BLTP2: variants seen among roughly 807,000 people sequenced by gnomAD.
BLTP2 encodes the protein bridge-like lipid transfer protein family member 2.
the BLTP2 span, among the ~76,000 whole-genome samples, chr17:28,637,452 A>C: frequency 6.6e-6 from 1 of 152,212 alleles, no homozygotes; most frequent in African/African-American, 2.4e-5. Context: ...ATCTCTCTTG[A>C]CTAGATCAAG....
the BLTP2 span, among the ~76,000 whole-genome samples, chr17:28,625,334 CAAAAAAAAAAAAAAAAAA>C: frequency 3.4e-5 from 1 of 29,064 alleles, no homozygotes; most frequent in Non-Finnish European, 6.6e-5. Context: ...GACTCCGTCT[CAAAAAAAAAAAAAAAAAA>C]AAAAAAGAAA....
the BLTP2 span, among the ~76,000 whole-genome samples, chr17:28,630,465 GTT>G: frequency 4.3e-5 from 4 of 93,016 alleles, no homozygotes; most frequent in African/African-American, 4.1e-5. Context: ...AGCCCCCACT[GTT>G]TTTTTTTTTT....
chr17:28,640,715 T>C, the BLTP2 span: 1 of 1,610,480 alleles, frequency 6.2e-7, no homozygotes, highest in Non-Finnish European at 8.5e-7. Flanking sequence ...GTAAGAACCA[T>C]CAATTCTTAA....
the BLTP2 span, chr17:28,634,755 T>C: frequency 6.2e-7 from 1 of 1,614,008 alleles, no homozygotes; most frequent in Non-Finnish European, 8.5e-7. Flanking sequence ...GGATGTAGAT[T>C]TCAATGTTTT....
chr17:28,630,947 A>G, the BLTP2 span, among the ~76,000 whole-genome samples: 1 of 152,224 alleles, frequency 6.6e-6, no homozygotes, highest in African/African-American at 2.4e-5. Context: ...AGTATTTTCA[A>G]AAAGAAGGAT....
chr17:28,632,799 A>C, the BLTP2 span: 1 of 556,600 alleles, frequency 1.8e-6, no homozygotes, highest in South Asian at 4.5e-5. Flanking sequence ...CCTGCCAAAA[A>C]ACAAAAAAAA....
At chr17:28,638,653 A>G in the BLTP2 span, 2 of 1,470,138 alleles carry the variant, frequency 1.4e-6, no homozygotes, top group Non-Finnish European at 1.9e-6. Flanking sequence ...CTGCATAGGA[A>G]CAAGACATCA....
the BLTP2 span, chr17:28,641,800 T>C: frequency 8.7e-7 from 1 of 1,154,496 alleles, no homozygotes; most frequent in Non-Finnish European, 1.2e-6. Flanking sequence ...GAATCACATC[T>C]AAATAAGCAG....
the BLTP2 span, chr17:28,635,121 G>C: frequency 6.2e-7 from 1 of 1,613,978 alleles, no homozygotes. Context: ...CCGAGACTGA[G>C]CCGAAAGAGA....
chr17:28,618,190 T>TC, the BLTP2 span, among the ~76,000 whole-genome samples: 22 of 152,130 alleles, frequency 1.4e-4, no homozygotes, highest in South Asian at 2.9e-3. Flanking sequence ...GCCTCGGCCT[T>TC]CCAGAGTGCT....
chr17:28,634,398 C>CT, the BLTP2 span: 60 of 936,584 alleles, frequency 6.4e-5, no homozygotes, highest in Non-Finnish European at 9.4e-5. Context: ...ACCCATCCCA[C>CT]TCCACCCACC....
chr17:28,635,572 G>A, the BLTP2 span: 1 of 1,614,038 alleles, frequency 6.2e-7, no homozygotes, highest in Non-Finnish European at 8.5e-7. Flanking sequence ...GTGATCTGGG[G>A]GGCTCCAAAG....
At chr17:28,629,243 T>G in the BLTP2 span, among the ~76,000 whole-genome samples, 1 of 151,408 alleles carries the variant, frequency 6.6e-6, no homozygotes, top group African/African-American at 2.4e-5. Flanking sequence ...TTATTTTTAT[T>G]TATTTATTTG....
the BLTP2 span, among the ~76,000 whole-genome samples, chr17:28,644,378 C>A: frequency 6.6e-6 from 1 of 152,200 alleles, no homozygotes; most frequent in Non-Finnish European, 1.5e-5. Context: ...CCCGACTGAC[C>A]CCTCCACCCA....
chr17:28,642,514 GGTGGCGGC>G, the BLTP2 span: 1 of 599,440 alleles, frequency 1.7e-6, no homozygotes, highest in African/African-American at 1.9e-5. Flanking sequence ...AGCCAGGCGC[GGTGGCGGC>G]CGCCTGTAGT....
chr17:28,639,657 A>G, the BLTP2 span: 1 of 1,612,670 alleles, frequency 6.2e-7, no homozygotes, highest in East Asian at 2.2e-5. Context: ...AAGAGGCCAG[A>G]GGACAGATCA....
chr17:28,631,543 T>C, the BLTP2 span: 1 of 1,614,212 alleles, frequency 6.2e-7, no homozygotes, highest in Non-Finnish European at 8.5e-7. Context: ...CAGGTGGGTC[T>C]TTGTTACCAA....
At chr17:28,635,514 T>G in the BLTP2 span, 1 of 1,614,162 alleles carries the variant, frequency 6.2e-7, no homozygotes, top group South Asian at 1.1e-5. Flanking sequence ...TGGCTCTTAG[T>G]AGGTCTCGGC....
At chr17:28,640,787 C>A in the BLTP2 span, 4 of 1,093,774 alleles carry the variant, frequency 3.7e-6, no homozygotes, top group East Asian at 5.0e-5. Context: ...ATAAAGTAGG[C>A]TAAGCAAATG....
Sources: gnomAD v4.1 joint callset for allele counts (sites outside exome capture counted in the v4.1 genomes callset) on GRCh38, gnomAD v4.1.1 for gene constraint, MANE v1.5 for transcripts, NCBI Gene and HGNC (gene_info 2026-07-23, HGNC 2026-07-21) for gene names.